Variants in ISOC1 observed in about 807,000 individuals in gnomAD.
ISOC1 encodes isochorismatase domain-containing protein 1.
Under a neutral mutation model 30.0 loss-of-function variants are expected in ISOC1, and 33 were observed. The observed-to-expected ratio is 1.10, with a 90% confidence interval of 0.83 to 1.47. The LOEUF (loss-of-function observed/expected upper bound fraction) is 1.47, where lower values mean the gene tolerates loss of function less well. Among genes scored for constraint, ISOC1 ranks in the 40% most tolerant of loss-of-function variants. The probability of loss-of-function intolerance (pLI) is 0.00; values close to 1 mark genes in which losing one functional copy is unlikely to be tolerated. For synonymous variants in ISOC1, 178 were observed against 159.8 expected (o/e 1.11, Z -0.86); for missense variants, 372 against 388.0 (o/e 0.96, Z 0.35).
Position 129,105,169 on chromosome 5 carries a change from G to C in ISOC1, c.430-16G>C. The C allele has an allele frequency of 1.2e-6, 2 of 1,612,746 alleles. No homozygotes were observed. Among genetic ancestry groups the C allele is most frequent in the Non-Finnish European group, 1.7e-6 (2 of 1,179,462 alleles). The stretch of plus-strand genomic sequence containing the variant: ...TATATAGCTAATTGTTTTTGTGTTT[G>C]GTTATTTTTTTTCAGTTGCAAGGGG... On this transcript the variant is annotated splice_polypyrimidine_tract_variant and intron_variant, in intron 2 of 4. Coordinates refer to ENST00000173527, the MANE Select transcript of ISOC1 (RefSeq NM_016048.2).
chr5:129,111,923 C>G (rs938437850), intron 4 of ISOC1, among the ~76,000 whole-genome samples: 2 of 152,058 alleles, frequency 1.3e-5, no homozygotes, highest in East Asian at 3.9e-4. Context: ...TTAAAATGTT[C>G]ATGATGGCAG....
In ISOC1 at chr5:129,104,987, G is replaced by A; in HGVS notation, c.341G>A (p.Ser114Asn). Residue 114 changes from serine to asparagine, a missense_variant, in exon 2 of 5, where the codon AGC (serine) becomes AAC (asparagine). Ser to Asn is a conservative substitution (Grantham distance 46). Coordinates refer to ENST00000173527, the MANE Select transcript of ISOC1 (RefSeq NM_016048.2). Reference sequence around the variant, plus strand: ...ACCCTGGGAAATCTTACACCTTCAAGCACTGTGTTTTTCTGCTGTGATATG... The same window carrying A: ...ACCCTGGGAAATCTTACACCTTCAAACACTGTGTTTTTCTGCTGTGATATG... Reference protein sequence around the residue: ...LTTLGNLTPSSTVFFCCDMQE... With the variant: ...LTTLGNLTPSNTVFFCCDMQE... 6.2e-7 allele frequency: 1 copy of A among 1,613,500 alleles called. No homozygotes were observed. Among genetic ancestry groups the A allele is most frequent in the Non-Finnish European group, 8.5e-7 (1 of 1,179,716 alleles).
In ISOC1 at chr5:129,113,575, C is replaced by A. The variant is rs532509081; in HGVS notation, c.*574C>A. 1 of 152,284 alleles carries A rather than the reference C, an allele frequency of 6.6e-6. No homozygotes were observed. The highest frequency in any genetic ancestry group is 2.1e-4 in the South Asian group (1 of 4,816). The allele number at this position is 152,284 out of a possible 1,614,324, so 9.4% of individuals were successfully genotyped here. ...CAAATGATGTTGAATAATTACATATCTTTCTTGACTATACTGATTTCTTAT... is the reference window on the plus strand; with the variant it reads ...CAAATGATGTTGAATAATTACATATATTTCTTGACTATACTGATTTCTTAT... On this transcript the variant is annotated 3_prime_UTR_variant, in exon 5 of 5. Coordinates refer to ENST00000173527, the MANE Select transcript of ISOC1 (RefSeq NM_016048.2).
chr5:129,113,121 T>G lies in ISOC1; in HGVS notation c.*120T>G. ...AAAATGTTAAGTCAAAAACGGCTCC[T>G]TTTTTGCGCCTCCTAGTGAAACTTA... On this transcript the variant is annotated 3_prime_UTR_variant, in exon 5 of 5. Coordinates refer to ENST00000173527, the MANE Select transcript of ISOC1 (RefSeq NM_016048.2). 1.1e-6 allele frequency: 1 copy of G among 891,786 alleles called. No individual in the cohort carries two copies. Among genetic ancestry groups the G allele is most frequent in the Non-Finnish European group, 1.6e-6 (1 of 618,214 alleles). 55.2% of individuals were successfully genotyped at this position (891,786 alleles called of 1,614,324 possible).
intron 4 of ISOC1, among the ~76,000 whole-genome samples, chr5:129,110,465 G>C (rs1479115036): frequency 6.6e-6 from 1 of 152,186 alleles, no homozygotes; most frequent in African/African-American, 2.4e-5. Flanking sequence ...GAATGGCTAA[G>C]AGCCAGATTG....
intron 1 of ISOC1, among the ~76,000 whole-genome samples, chr5:129,097,120 A>G (rs1753512690): frequency 1.3e-5 from 2 of 152,104 alleles, no homozygotes; most frequent in African/African-American, 4.8e-5. Flanking sequence ...CTTCAGAAGA[A>G]ATTTTTCCGC....
rs758097037 is a variant in ISOC1 at position 129,094,911 on chromosome 5, C to T, written c.145C>T (p.Leu49=). 6.2e-7 allele frequency: 1 copy of T among 1,611,860 alleles called. No homozygotes were observed. The highest frequency in any genetic ancestry group is 1.3e-5 in the African/African-American group (1 of 74,938). Residue 49 remains leucine, a synonymous_variant, in exon 1 of 5, where the codon CTG becomes TTG. Coordinates refer to ENST00000173527, the MANE Select transcript of ISOC1 (RefSeq NM_016048.2). ...SSVPHGAGYE[L]LIQKFLSLYG... ...GGTGCCACACGGGGCGGGCTACGAG[C>T]TGCTCATCCAGAAGTTCCTCAGCCT...
At chr5:129,110,422 C>T (rs770496625) in intron 4 of ISOC1, among the ~76,000 whole-genome samples, 62 of 152,126 alleles carry the variant, frequency 4.1e-4, no homozygotes, top group Admixed American at 1.5e-3. Context: ...TGCTCAGGCA[C>T]GTTCTTTGGT....
intron 1 of ISOC1, among the ~76,000 whole-genome samples, 189 bp downstream of exon 1, chr5:129,095,264 C>T (rs968216209): frequency 1.3e-5 from 2 of 152,210 alleles, no homozygotes; most frequent in African/African-American, 2.4e-5. Context: ...TGCCCCTGTC[C>T]AAAGGTGATG....
intron 1 of ISOC1, among the ~76,000 whole-genome samples, chr5:129,095,999 A>G (rs549543281): frequency 1.3e-5 from 2 of 152,316 alleles, no homozygotes; most frequent in East Asian, 1.9e-4. Context: ...AGAAGACCAA[A>G]CTGAAATGTG....
At chr5:129,101,192 A>AAAAAAAAAAT (rs1554064627) in intron 1 of ISOC1, among the ~76,000 whole-genome samples, 5 of 42,222 alleles carry the variant, frequency 1.2e-4, no homozygotes, top group Non-Finnish European at 1.8e-4. Flanking sequence ...AAAAAAAAAA[A>AAAAAAAAAAT]ATATATATAT....
chr5:129,107,109 AAATG>A (rs769008861), intron 4 of ISOC1, 47 bp downstream of exon 4: 33 of 1,414,272 alleles, frequency 2.3e-5, no homozygotes, highest in Non-Finnish European at 3.2e-5. Flanking sequence ...TTTTCCAAAT[AAATG>A]AGAAGAATAC....
chr5:129,107,052 T>G lies in ISOC1; in HGVS notation c.740T>G (p.Phe247Cys). Reference protein sequence around the residue: ...TSSRSMMDRMFALERLARTGI... With the variant: ...TSSRSMMDRMCALERLARTGI... ...TCAAGAAGCATGATGGACAGGATGT[T>G]TGCCCTCGAGGTAATTGTCCTGCTT... is the stretch of plus-strand genomic sequence containing the variant. Residue 247 changes from phenylalanine (F) to cysteine (C), a missense_variant, in exon 4 of 5, where the codon TTT becomes TGT. By Grantham distance (205) the Phe-to-Cys change is radical. Transcript: ENST00000173527. The G allele has an allele frequency of 1.2e-6, 2 of 1,613,208 alleles. No homozygotes were observed. The highest frequency in any genetic ancestry group is 1.7e-6 in the Non-Finnish European group (2 of 1,179,276).
At chr5:129,097,650 A>T (rs558916151) in intron 1 of ISOC1, 1 of 152,454 alleles carries the variant, frequency 6.6e-6, no homozygotes, top group African/African-American at 2.4e-5. Context: ...GCAGAAGAAC[A>T]TAGGGAGGTG....
Position 129,105,235 on chromosome 5 carries a change from C to T in ISOC1, c.480C>T (p.Tyr160=), listed in dbSNP as rs1753621086. The T allele has an allele frequency of 1.2e-6, 2 of 1,613,566 alleles. No homozygotes were observed. The highest frequency in any genetic ancestry group is 1.1e-5 in the South Asian group (1 of 91,064). Residue 160 remains tyrosine, a synonymous_variant, in exon 3 of 5, where the codon TAC becomes TAT. Coordinates refer to ENST00000173527, the MANE Select transcript of ISOC1 (RefSeq NM_016048.2). The part of the protein sequence containing the change: ...LGIPVIVTEQ[Y]PKGLGSTVQE... ...TTCCTGTTATTGTAACAGAACAATA[C>T]CCTAAAGGTCTTGGGAGCACGGTTC...
intron 4 of ISOC1, among the ~76,000 whole-genome samples, 161 bp downstream of exon 4, chr5:129,107,223 G>C (rs981762959): frequency 6.6e-6 from 1 of 152,144 alleles, no homozygotes; most frequent in Non-Finnish European, 1.5e-5. Flanking sequence ...GACCCTTAAG[G>C]CTTCACCACC....
chr5:129,097,213 C>T (rs754677183), intron 1 of ISOC1, among the ~76,000 whole-genome samples: 1 of 151,964 alleles, frequency 6.6e-6, no homozygotes, highest in Non-Finnish European at 1.5e-5. Flanking sequence ...AAAATATTTT[C>T]TCTTCTATAT....
At position 129,112,982 on chromosome 5, in the gene ISOC1, G is replaced by A. The variant is rs1364193110; in HGVS notation, c.878G>A (p.Gly293Asp). The change falls in exon 5 of 5, where the codon GGT becomes GAT. Residue 293 changes from glycine (G) to aspartate (D), a missense_variant. Transcript: ENST00000173527. ...ATTAAGGCGAGTGCTCCAGAGTCGG[G>A]TCTGCTTTCCAAAGTATAGGACATT... is the stretch of plus-strand genomic sequence containing the variant. ...NLIKASAPES[G>D]LLSKV 5 of 1,613,178 alleles carry A rather than the reference G, an allele frequency of 3.1e-6. No homozygotes were observed. Among genetic ancestry groups the A allele is most frequent in the Non-Finnish European group, 4.2e-6 (5 of 1,179,482 alleles).
rs1351831447 is a variant in ISOC1, at chr5:129,114,005, T to C, written c.*1004T>C. 6.6e-6 allele frequency: 1 copy of C among 152,142 alleles called. No homozygotes were observed. The highest frequency in any genetic ancestry group is 2.4e-5 in the African/African-American group (1 of 41,398). The allele number at this position is 152,142 out of a possible 1,614,324, so 9.4% of individuals were successfully genotyped here. ...ATGTGAAATGTGAAACTGCTGTCTT[T>C]TATATTAAAGTAATTAAAGAAAATG... On this transcript the variant is annotated 3_prime_UTR_variant, in exon 5 of 5. Transcript: ENST00000173527.
Sources: allele counts gnomAD v4.1 joint callset (sites outside exome capture counted in the v4.1 genomes callset), GRCh38; gene constraint gnomAD v4.1.1; transcripts MANE v1.5; gene names NCBI Gene and HGNC (gene_info 2026-07-23, HGNC 2026-07-21).